The following DCT variants were observed in gnomAD, a reference collection of about 807,000 sequenced individuals.
DCT encodes the protein dopachrome tautomerase.
DCT carries 47 observed loss-of-function variants against 53.0 expected under a neutral mutation model. That is an observed-to-expected ratio of 0.89 (90% CI 0.70 to 1.13). The LOEUF (loss-of-function observed/expected upper bound fraction) is 1.13, where lower values mean the gene tolerates loss of function less well. Among genes scored for constraint, DCT ranks in the 50% most tolerant of loss-of-function variants. The pLI is 0.00. For synonymous variants in DCT, 244 were observed against 237.0 expected, an observed-to-expected ratio of 1.03 and a Z score of -0.27; for missense variants, 669 against 637.4, an observed-to-expected ratio of 1.05 and a Z score of -0.53.
chr13:94,519,286 A>C, the DCT span, among the ~76,000 whole-genome samples: 1 of 152,186 alleles, frequency 6.6e-6, no homozygotes, highest in Non-Finnish European at 1.5e-5. Context: ...AGCCTTATCC[A>C]TCTCATTCCT....
chr13:94,474,308 T>C lies in DCT; in HGVS notation c.295+4653A>G, dbSNP rs187253147. ...ACCACACATTCCTACATGAACTGCATCAGCTCAACCTCAGAAAGCCATTAG... is the reference window on the plus strand; with the variant it reads ...ACCACACATTCCTACATGAACTGCACCAGCTCAACCTCAGAAAGCCATTAG... On this transcript the variant is annotated intron_variant, in intron 1 of 7. Transcript: ENST00000377028. Among the ~76,000 whole-genome samples, 697 of 152,296 alleles carry C rather than the reference T, an allele frequency of 4.6e-3. 4 individuals carry two copies. Among genetic ancestry groups the C allele is most frequent in the African/African-American group, 0.016 (673 of 41,550 alleles).
the DCT span, among the ~76,000 whole-genome samples, chr13:94,507,236 G>C: frequency 3.7e-4 from 57 of 152,150 alleles, no homozygotes; most frequent in Non-Finnish European, 7.2e-4. Flanking sequence ...TTATACTAGG[G>C]TTATGTAAAG....
chr13:94,446,163 G>A (rs1208095247), intron 6 of DCT, among the ~76,000 whole-genome samples: 2 of 152,178 alleles, frequency 1.3e-5, no homozygotes, highest in Admixed American at 6.5e-5. Flanking sequence ...GATCACAGAG[G>A]TCTGTAAACC....
intron 5 of DCT, 125 bp downstream of exon 5, chr13:94,461,885 G>A: frequency 4.1e-6 from 3 of 723,856 alleles, no homozygotes; most frequent in Non-Finnish European, 6.7e-6. Flanking sequence ...CTCTCGTTAG[G>A]CCTCTCTCCA....
chr13:94,466,694 A>G (rs377412449), intron 2 of DCT, 36 bp from the exon 3 acceptor site: 41 of 1,422,136 alleles, frequency 2.9e-5, no homozygotes, highest in Non-Finnish European at 3.6e-5. Flanking sequence ...AGATGACAGA[A>G]TAGAATTTTT....
chr13:94,468,592 A>G, intron 2 of DCT, 154 bp downstream of exon 2: 3 of 692,838 alleles, frequency 4.3e-6, no homozygotes, highest in Non-Finnish European at 5.0e-6. Flanking sequence ...TTCTAACTCC[A>G]GGCGGTATTT....
chr13:94,547,659 T>C, the DCT span, among the ~76,000 whole-genome samples: 3 of 151,952 alleles, frequency 2.0e-5, no homozygotes, highest in Admixed American at 6.6e-5. Flanking sequence ...TTTAGAAATG[T>C]GATAGCTGGT....
At chr13:94,451,480 T>C (rs938206035) in intron 6 of DCT, among the ~76,000 whole-genome samples, 2 of 152,190 alleles carry the variant, frequency 1.3e-5, no homozygotes, top group African/African-American at 4.8e-5. Flanking sequence ...ATAGGAAACT[T>C]TTCTTATAAA....
intron 2 of DCT, 166 bp from the exon 3 acceptor site, chr13:94,466,824 T>C (rs1337219165): frequency 1.5e-5 from 6 of 405,588 alleles, no homozygotes; most frequent in Admixed American, 4.2e-5. Context: ...AGTAATGACA[T>C]GAATTTCAGA....
chr13:94,515,105 A>G, the DCT span, among the ~76,000 whole-genome samples: 2 of 152,294 alleles, frequency 1.3e-5, no homozygotes, highest in East Asian at 3.9e-4. Flanking sequence ...ATGGCAGTCT[A>G]TGAACCAGGA....
the DCT span, among the ~76,000 whole-genome samples, chr13:94,505,486 A>C: frequency 6.6e-6 from 1 of 152,218 alleles, no homozygotes; most frequent in Non-Finnish European, 1.5e-5. Context: ...CGTTTGTAGA[A>C]GCTACATTTT....
intron 6 of DCT, chr13:94,444,273 C>A: frequency 3.1e-6 from 1 of 320,262 alleles, no homozygotes; most frequent in South Asian, 2.7e-5. Flanking sequence ...AATTCAAAAT[C>A]CCAAACACTT....
chr13:94,440,125 A>T, intron 7 of DCT, 49 bp from the exon 8 acceptor site: 1 of 1,516,266 alleles, frequency 6.6e-7, no homozygotes, highest in Non-Finnish European at 9.0e-7. Flanking sequence ...TCAGCTGAAT[A>T]CTTTCAGAAG....
the DCT span, among the ~76,000 whole-genome samples, chr13:94,509,306 G>A: frequency 6.6e-6 from 1 of 152,068 alleles, no homozygotes; most frequent in East Asian, 1.9e-4. Flanking sequence ...AGCCTGCCTG[G>A]GTATAAATCC....
At chr13:94,519,780 G>A in the DCT span, among the ~76,000 whole-genome samples, 2 of 152,120 alleles carry the variant, frequency 1.3e-5, no homozygotes, top group Non-Finnish European at 2.9e-5. Context: ...TGATTTTGGT[G>A]GTGCTTAAAG....
At chr13:94,451,106 A>T (rs537595765) in intron 6 of DCT, among the ~76,000 whole-genome samples, 1 of 152,276 alleles carries the variant, frequency 6.6e-6, no homozygotes, top group African/African-American at 2.4e-5. Context: ...GGGGAACCAG[A>T]GAGGGGTCCA....
chr13:94,521,208 A>C, the DCT span, among the ~76,000 whole-genome samples: 480 of 152,352 alleles, frequency 3.2e-3, 2 homozygotes, highest in African/African-American at 0.011. Flanking sequence ...TCTCTAAAAC[A>C]GGGACAAAAA....
the DCT span, among the ~76,000 whole-genome samples, chr13:94,494,257 C>T: frequency 6.6e-6 from 1 of 152,120 alleles, no homozygotes; most frequent in African/African-American, 2.4e-5. Flanking sequence ...ATCCTGGCTC[C>T]TAGCCAGAGC....
intron 2 of DCT, 41 bp downstream of exon 2, chr13:94,468,705 A>C: frequency 6.4e-7 from 1 of 1,571,300 alleles, no homozygotes; most frequent in Non-Finnish European, 8.7e-7. Flanking sequence ...ACCCAATCAC[A>C]AACCTGTAAT....
Sources: allele counts gnomAD v4.1 joint callset (sites outside exome capture counted in the v4.1 genomes callset), GRCh38; gene constraint gnomAD v4.1.1; transcripts MANE v1.5; gene names NCBI Gene and HGNC (gene_info 2026-07-23, HGNC 2026-07-21).